SPACA7: variants seen among roughly 807,000 people sequenced by gnomAD.
SPACA7 encodes sperm acrosome-associated protein 7.
SPACA7 carries 19 observed loss-of-function variants against 26.3 expected under a neutral mutation model. The observed-to-expected ratio is 0.72, with a 90% confidence interval of 0.50 to 1.06. The LOEUF (loss-of-function observed/expected upper bound fraction) is 1.06. Ranked by LOEUF, SPACA7 falls within the 50% of genes least tolerant of loss-of-function variation. The pLI, the probability that SPACA7 is intolerant of heterozygous loss-of-function variation, is 0.00. For missense variants in SPACA7, 211 were observed against 229.9 expected (o/e 0.92, Z 0.53); for synonymous variants, 84 against 84.5 (o/e 0.99, Z 0.04).
intron 5 of SPACA7, among the ~76,000 whole-genome samples, chr13:112,402,649 G>A (rs772597691): frequency 1.3e-5 from 2 of 152,142 alleles, no homozygotes; most frequent in Non-Finnish European, 2.9e-5. Context: ...CAGTAAGTAG[G>A]ATTCTGGCTT....
Position 112,395,502 on chromosome 13 carries a change from C to T in SPACA7, c.151+2425C>T, listed in dbSNP as rs187881512. Among the ~76,000 whole-genome samples the T allele has an allele frequency of 3.3e-5, 5 of 152,344 alleles. No homozygotes were observed. The East Asian group carries it at 7.7e-4, about 24-fold the overall frequency. ...GTTTTTTTTGAGATGGAGTCTCACA[C>T]TCTTGCCACCCAGGGTGAAGTGCAG... On this transcript the variant is annotated intron_variant, in intron 2 of 6. Transcript: ENST00000283550.
chr13:112,404,331 T>A (rs1885838200), intron 5 of SPACA7, among the ~76,000 whole-genome samples: 1 of 152,246 alleles, frequency 6.6e-6, no homozygotes, highest in Non-Finnish European at 1.5e-5. Context: ...CTTTATCAAA[T>A]GTATAGATTG....
intron 5 of SPACA7, among the ~76,000 whole-genome samples, chr13:112,422,379 A>G (rs1470377235): frequency 6.6e-6 from 1 of 152,210 alleles, no homozygotes; most frequent in African/African-American, 2.4e-5. Flanking sequence ...TCAGTAATTG[A>G]TAAAAGAAAT....
At chr13:112,385,002 C>T (rs959436488) in intron 1 of SPACA7, among the ~76,000 whole-genome samples, 1 of 152,144 alleles carries the variant, frequency 6.6e-6, no homozygotes, top group Non-Finnish European at 1.5e-5. Context: ...GAAACCTTTA[C>T]AATTTTCCAT....
At chr13:112,429,309 A>G (rs1876838181) in intron 5 of SPACA7, among the ~76,000 whole-genome samples, 1 of 151,930 alleles carries the variant, frequency 6.6e-6, no homozygotes, top group African/African-American at 2.4e-5. Flanking sequence ...CCAGGAGGTC[A>G]TGACTGCAGT....
At chr13:112,415,919 C>T (rs541786660) in intron 5 of SPACA7, among the ~76,000 whole-genome samples, 1 of 152,182 alleles carries the variant, frequency 6.6e-6, no homozygotes, top group East Asian at 1.9e-4. Flanking sequence ...AATCAAGGAC[C>T]ACGGAATTCT....
chr13:112,428,259 C>T (rs1376948891), intron 5 of SPACA7, among the ~76,000 whole-genome samples: 2 of 152,098 alleles, frequency 1.3e-5, no homozygotes, highest in Admixed American at 6.5e-5. Flanking sequence ...TTTTAAATTT[C>T]TTCTTTGATC....
At chr13:112,418,127 TA>T (rs1269346223) in intron 5 of SPACA7, among the ~76,000 whole-genome samples, 1 of 152,188 alleles carries the variant, frequency 6.6e-6, no homozygotes, top group Non-Finnish European at 1.5e-5. Flanking sequence ...GAAAACTATA[TA>T]AGTTGAAAAT....
intron 1 of SPACA7, chr13:112,378,567 G>A (rs1353578986): frequency 5.1e-6 from 2 of 393,328 alleles, no homozygotes; most frequent in Non-Finnish European, 1.1e-5. Context: ...TTGAGGCTAG[G>A]AAGCCCAGCC....
intron 3 of SPACA7, 104 bp downstream of exon 3, chr13:112,398,242 C>G (rs1219014446): frequency 1.2e-6 from 1 of 839,292 alleles, no homozygotes; most frequent in African/African-American, 1.7e-5. Flanking sequence ...GCATTAAGAC[C>G]AGCTATTTCT....
rs772814481 is a variant in SPACA7 at position 112,434,596 on chromosome 13, C to T, written c.*47C>T. 103 of 1,481,546 alleles carry T rather than the reference C, an allele frequency of 7.0e-5. No individual in the cohort carries two copies. The highest frequency in any genetic ancestry group is 2.7e-4 in the Admixed American group (14 of 52,462). The allele number at this position is 1,481,546 out of a possible 1,614,324, so 91.8% of individuals were successfully genotyped here. A position where few individuals can be genotyped will look rare whatever the true frequency, so the allele number is the denominator to read the frequency against. ...GCGCAGGAGAGGAGCCTGCTAGAAC[C>T]CCCACCCACCAGCCTCCGGAACAGG... On this transcript the variant is annotated 3_prime_UTR_variant, in exon 7 of 7. Transcript: ENST00000283550.
intron 5 of SPACA7, among the ~76,000 whole-genome samples, chr13:112,424,953 G>T (rs944867229): frequency 4.6e-5 from 7 of 152,238 alleles, no homozygotes; most frequent in Non-Finnish European, 8.8e-5. Context: ...GTAGGTGTTT[G>T]TTGAATGAAT....
chr13:112,415,537 G>C (rs1303436067), intron 5 of SPACA7, among the ~76,000 whole-genome samples: 2 of 152,046 alleles, frequency 1.3e-5, no homozygotes, highest in African/African-American at 4.8e-5. Flanking sequence ...GCTGTGGCAG[G>C]GTTTGTGCTA....
At chr13:112,399,496 C>T (rs9550070) in intron 4 of SPACA7, among the ~76,000 whole-genome samples, 44,161 of 152,212 alleles carry the variant, frequency 0.29, 7,466 homozygotes, top group Non-Finnish European at 0.37. Flanking sequence ...AAAGCTTCAG[C>T]TAAGTCACTT....
intron 1 of SPACA7, among the ~76,000 whole-genome samples, chr13:112,388,448 T>G (rs1274780922): frequency 6.6e-6 from 1 of 152,128 alleles, no homozygotes; most frequent in Non-Finnish European, 1.5e-5. Context: ...CCATTGCAAT[T>G]AAATCCATGC....
intron 5 of SPACA7, among the ~76,000 whole-genome samples, chr13:112,416,266 A>G (rs533218154): frequency 9.5e-6 from 1 of 104,752 alleles, no homozygotes; most frequent in African/African-American, 4.3e-5. Context: ...CACTTTCTGG[A>G]TTGTCAGTTG....
At chr13:112,417,615 A>G (rs1447404738) in intron 5 of SPACA7, among the ~76,000 whole-genome samples, 1 of 152,134 alleles carries the variant, frequency 6.6e-6, no homozygotes. Context: ...CAGGTGTTAT[A>G]TATTTTGAAG....
intron 5 of SPACA7, among the ~76,000 whole-genome samples, chr13:112,413,361 AAG>A (rs1255872022): frequency 8.9e-6 from 1 of 112,014 alleles, no homozygotes; most frequent in African/African-American, 4.0e-5. Flanking sequence ...TCTTGGTTGG[AAG>A]AGTTGTTTTT....
At chr13:112,377,257 T>C (rs1351361357) in intron 1 of SPACA7, among the ~76,000 whole-genome samples, 2 of 152,234 alleles carry the variant, frequency 1.3e-5, no homozygotes, top group African/African-American at 4.8e-5. Context: ...ATTTGGATAT[T>C]ATGATTTTCA....
Sources: allele counts gnomAD v4.1 joint callset (sites outside exome capture counted in the v4.1 genomes callset), GRCh38; gene constraint gnomAD v4.1.1; transcripts MANE v1.5; gene names NCBI Gene and HGNC (gene_info 2026-07-23, HGNC 2026-07-21).